LINGO2: variants seen among roughly 807,000 people sequenced by gnomAD.
The protein encoded by LINGO2 is leucine rich repeat and Ig domain containing 2, also known as leucine-rich repeat and immunoglobulin-like domain-containing nogo receptor-interacting protein 2.
Under a neutral mutation model 30.6 loss-of-function variants are expected in LINGO2, and 14 were observed. That is an observed-to-expected ratio of 0.46 (90% CI 0.30 to 0.72). The LOEUF (loss-of-function observed/expected upper bound fraction) is 0.72. Ranked by LOEUF, LINGO2 falls within the 30% of genes least tolerant of loss-of-function variation. LINGO2 has a pLI of 0.07. For missense variants in LINGO2, 729 were observed against 751.7 expected, an observed-to-expected ratio of 0.97 and a Z score of 0.35; for synonymous variants, 317 against 288.5, an observed-to-expected ratio of 1.10 and a Z score of -1.00.
intron 1 of LINGO2, among the ~76,000 whole-genome samples, chr9:28,626,749 T>G (rs1445804048): frequency 6.6e-6 from 1 of 152,038 alleles, no homozygotes; most frequent in Non-Finnish European, 1.5e-5. Flanking sequence ...TCAGCTTCAC[T>G]GATTGTTTTT....
chr9:28,502,147 C>CAT (rs1819915582), intron 1 of LINGO2, among the ~76,000 whole-genome samples: 1 of 151,274 alleles, frequency 6.6e-6, no homozygotes, highest in South Asian at 2.1e-4. Context: ...CACACACACA[C>CAT]ACACACACAC....
At chr9:28,503,708 G>A (rs990123863) in intron 1 of LINGO2, among the ~76,000 whole-genome samples, 2 of 151,908 alleles carry the variant, frequency 1.3e-5, no homozygotes, top group African/African-American at 4.8e-5. Flanking sequence ...TGTACTGGAA[G>A]GGATAAAATA....
chr9:29,071,259 A>G, the LINGO2 span, among the ~76,000 whole-genome samples: 1 of 150,496 alleles, frequency 6.6e-6, no homozygotes, highest in Non-Finnish European at 1.5e-5. Context: ...TGGCATGATC[A>G]TGGCTCACTG....
At chr9:28,631,321 A>G (rs1384471027) in intron 1 of LINGO2, among the ~76,000 whole-genome samples, 1 of 52,212 alleles carries the variant, frequency 1.9e-5, no homozygotes, top group Non-Finnish European at 3.8e-5. Context: ...CCCCCACCCC[A>G]TGACAGGCTC....
chr9:28,842,262 C>T, the LINGO2 span, among the ~76,000 whole-genome samples: 1 of 151,782 alleles, frequency 6.6e-6, no homozygotes, highest in Non-Finnish European at 1.5e-5. Context: ...GGATTTATTC[C>T]TCATATTAAC....
intron 1 of LINGO2, among the ~76,000 whole-genome samples, chr9:28,506,900 G>A (rs1820161943): frequency 6.6e-6 from 1 of 151,758 alleles, no homozygotes; most frequent in Non-Finnish European, 1.5e-5. Context: ...ACAGCCATTA[G>A]GAAATTTGTT....
At chr9:28,785,580 C>T in the LINGO2 span, among the ~76,000 whole-genome samples, 35 of 152,224 alleles carry the variant, frequency 2.3e-4, no homozygotes, top group African/African-American at 7.9e-4. Flanking sequence ...ATTTGCAGCC[C>T]TAGCAACACT....
the LINGO2 span, among the ~76,000 whole-genome samples, chr9:28,675,905 GTATATA>G: frequency 7.1e-5 from 9 of 126,068 alleles, no homozygotes; most frequent in South Asian, 2.6e-4. Flanking sequence ...GTGTGTGTAT[GTATATA>G]TATATATATA....
chr9:28,452,773 T>C (rs951452663), intron 2 of LINGO2, among the ~76,000 whole-genome samples: 1 of 151,732 alleles, frequency 6.6e-6, no homozygotes, highest in Non-Finnish European at 1.5e-5. Flanking sequence ...AGAAGTACAG[T>C]CTAGACAAAA....
intron 4 of LINGO2, among the ~76,000 whole-genome samples, chr9:28,061,408 G>T (rs970663059): frequency 6.6e-6 from 1 of 151,690 alleles, no homozygotes; most frequent in South Asian, 2.1e-4. Context: ...GAATAATCCA[G>T]AAGTTGCATA....
At chr9:28,866,989 G>A in the LINGO2 span, among the ~76,000 whole-genome samples, 1 of 152,032 alleles carries the variant, frequency 6.6e-6, no homozygotes, top group African/African-American at 2.4e-5. Flanking sequence ...ACACAAGCAA[G>A]AAAACTGAAA....
At chr9:28,158,319 GGTCCC>G (rs554815805) in intron 4 of LINGO2, among the ~76,000 whole-genome samples, 97 of 152,190 alleles carry the variant, frequency 6.4e-4, no homozygotes, top group South Asian at 1.2e-3. Flanking sequence ...CCTCCCACTG[GGTCCC>G]TCCCACAACA....
the LINGO2 span, among the ~76,000 whole-genome samples, chr9:28,738,473 T>C: frequency 6.6e-3 from 1,012 of 152,248 alleles, 17 homozygotes; most frequent in African/African-American, 0.023. Context: ...TCAAAACATG[T>C]TGTTCTTGAG....
intron 5 of LINGO2, among the ~76,000 whole-genome samples, chr9:27,969,291 T>C (rs1820245128): frequency 2.0e-5 from 3 of 152,038 alleles, no homozygotes; most frequent in Non-Finnish European, 4.4e-5. Context: ...TATGAAAGCT[T>C]CATTGAGTAT....
the LINGO2 span, among the ~76,000 whole-genome samples, chr9:29,023,013 C>T: frequency 6.6e-6 from 1 of 151,516 alleles, no homozygotes; most frequent in Non-Finnish European, 1.5e-5. Context: ...TTATGAAATG[C>T]CTCATTTTTT....
chr9:28,702,280 C>A, the LINGO2 span, among the ~76,000 whole-genome samples: 2 of 151,604 alleles, frequency 1.3e-5, no homozygotes, highest in South Asian at 2.1e-4. Flanking sequence ...ATGTTCTTTA[C>A]CAAGTAGAAG....
intron 3 of LINGO2, among the ~76,000 whole-genome samples, chr9:28,306,706 A>G (rs529136792): frequency 2.0e-5 from 3 of 152,332 alleles, no homozygotes; most frequent in Admixed American, 2.0e-4. Context: ...AAGAAAAGAG[A>G]GAAGAATCAA....
chr9:28,473,982 T>C (rs1825628538), intron 2 of LINGO2, among the ~76,000 whole-genome samples: 1 of 152,158 alleles, frequency 6.6e-6, no homozygotes, highest in Non-Finnish European at 1.5e-5. Flanking sequence ...AATCTTCCTT[T>C]AATGTTTACT....
intron 4 of LINGO2, among the ~76,000 whole-genome samples, chr9:28,269,742 A>G (rs763990904): frequency 1.1e-4 from 17 of 152,114 alleles, no homozygotes; most frequent in Non-Finnish European, 1.9e-4. Flanking sequence ...CCCCAATTTC[A>G]TCAGCGTAGC....
Sources: gnomAD v4.1 joint callset for allele counts (sites outside exome capture counted in the v4.1 genomes callset) on GRCh38, gnomAD v4.1.1 for gene constraint, MANE v1.5 for transcripts, NCBI Gene and HGNC (gene_info 2026-07-23, HGNC 2026-07-21) for gene names.